Variants in LRCH1 observed in about 807,000 individuals in gnomAD.
LRCH1 encodes the protein leucine-rich repeat and calponin homology domain-containing protein 1.
A neutral mutation model predicts 94.9 loss-of-function variants in LRCH1; 23 were observed. That is an observed-to-expected ratio of 0.24 (90% CI 0.17 to 0.34). The LOEUF is 0.34. LRCH1 is among the 10% of genes least tolerant of loss of function. LRCH1 has a pLI of 1.00. For missense variants in LRCH1, 790 were observed against 945.9 expected, an observed-to-expected ratio of 0.84 and a Z score of 2.16; for synonymous variants, 364 against 354.9, an observed-to-expected ratio of 1.03 and a Z score of -0.29.
chr13:46,684,447 G>T (rs1452775021), intron 4 of LRCH1, among the ~76,000 whole-genome samples: 1 of 152,138 alleles, frequency 6.6e-6, no homozygotes, highest in Non-Finnish European at 1.5e-5. Flanking sequence ...TGTTTTCCAT[G>T]AACTTAGCCC....
chr13:46,642,874 G>T (rs1436355452), intron 1 of LRCH1, among the ~76,000 whole-genome samples: 2 of 152,004 alleles, frequency 1.3e-5, no homozygotes, highest in Admixed American at 6.6e-5. Context: ...TCCAAGCCAC[G>T]CTCTAAAGTT....
chr13:46,715,946 G>T (rs896076955), intron 16 of LRCH1, among the ~76,000 whole-genome samples: 2 of 151,670 alleles, frequency 1.3e-5, no homozygotes, highest in East Asian at 1.9e-4. Context: ...TGGTTTGTTT[G>T]CTTGTTTACA....
At chr13:46,580,129 G>T (rs988843142) in intron 1 of LRCH1, among the ~76,000 whole-genome samples, 1 of 152,114 alleles carries the variant, frequency 6.6e-6, no homozygotes, top group Admixed American at 6.5e-5. Context: ...TCCTCCTACT[G>T]CCTCTAATTT....
intron 9 of LRCH1, among the ~76,000 whole-genome samples, chr13:46,696,457 A>G (rs842405): frequency 0.74 from 112,002 of 152,098 alleles, 41,348 homozygotes; most frequent in East Asian, 0.84. Context: ...GAAGATATCA[A>G]TATTTAAGTT....
chr13:46,603,760 G>A (rs1331498615), intron 1 of LRCH1, among the ~76,000 whole-genome samples: 2 of 152,052 alleles, frequency 1.3e-5, no homozygotes, highest in East Asian at 1.9e-4. Flanking sequence ...GGGCTCAAGC[G>A]ATCCTCCCAC....
intron 1 of LRCH1, among the ~76,000 whole-genome samples, chr13:46,560,354 C>A (rs867388262): frequency 5.9e-5 from 9 of 152,010 alleles, no homozygotes; most frequent in African/African-American, 2.2e-4. Flanking sequence ...CTCAGAAAAA[C>A]CTGTTTGTGA....
At chr13:46,708,294 T>TG (rs3991373) in intron 13 of LRCH1, among the ~76,000 whole-genome samples, 3 of 150,184 alleles carry the variant, frequency 2.0e-5, no homozygotes, top group African/African-American at 7.4e-5. Flanking sequence ...TTTTTTTTTT[T>TG]GAGGCAGAGT....
intron 11 of LRCH1, among the ~76,000 whole-genome samples, chr13:46,701,516 A>T (rs1456071033): frequency 6.6e-6 from 1 of 152,192 alleles, no homozygotes; most frequent in Non-Finnish European, 1.5e-5. Context: ...TGCATGTTTT[A>T]TATTGCTTAA....
At chr13:46,629,519 A>G (rs1192789205) in intron 1 of LRCH1, among the ~76,000 whole-genome samples, 1 of 152,176 alleles carries the variant, frequency 6.6e-6, no homozygotes, top group Non-Finnish European at 1.5e-5. Flanking sequence ...CTTGTAACTC[A>G]GCCTTTGATT....
At chr13:46,691,075 A>G (rs1870870336) in intron 7 of LRCH1, among the ~76,000 whole-genome samples, 1 of 152,394 alleles carries the variant, frequency 6.6e-6, no homozygotes, top group Admixed American at 6.5e-5. Flanking sequence ...CAATCTGTGC[A>G]TATGTCCAAA....
At chr13:46,592,754 A>G (rs1420972630) in intron 1 of LRCH1, among the ~76,000 whole-genome samples, 1 of 152,112 alleles carries the variant, frequency 6.6e-6, no homozygotes, top group Non-Finnish European at 1.5e-5. Flanking sequence ...TTTGAGCTGA[A>G]GAATGTTTGG....
chr13:46,709,375 T>C (rs1181661882), intron 13 of LRCH1, among the ~76,000 whole-genome samples: 1 of 152,236 alleles, frequency 6.6e-6, no homozygotes, highest in African/African-American at 2.4e-5. Flanking sequence ...CCTGTAGGTG[T>C]TGAGCTGCAG....
chr13:46,603,371 T>C (rs1349911835), intron 1 of LRCH1, among the ~76,000 whole-genome samples: 2 of 152,108 alleles, frequency 1.3e-5, no homozygotes, highest in Admixed American at 6.5e-5. Flanking sequence ...CCCCATTCTC[T>C]TTCTGTCAGC....
chr13:46,708,567 C>G (rs1046969490), intron 13 of LRCH1, among the ~76,000 whole-genome samples: 3 of 152,288 alleles, frequency 2.0e-5, no homozygotes, highest in South Asian at 4.1e-4. Flanking sequence ...CCACTGCACC[C>G]AGCCTGATCC....
chr13:46,587,139 A>G (rs573708089), intron 1 of LRCH1, among the ~76,000 whole-genome samples: 38 of 152,328 alleles, frequency 2.5e-4, no homozygotes, highest in African/African-American at 6.7e-4. Context: ...AAATGATGTA[A>G]AAATAGCACC....
At chr13:46,705,492 T>A in intron 13 of LRCH1, 188 bp downstream of exon 13, 1 of 708,970 alleles carries the variant, frequency 1.4e-6, no homozygotes, top group Non-Finnish European at 2.6e-6. Context: ...TTTTCTGCTA[T>A]ACCTCACCCT....
Position 46,743,325 on chromosome 13 carries a change from C to G in LRCH1, c.*1477C>G, listed in dbSNP as rs574824366. ...AAGATTCCTTGCTGCTAAGTCAGAT[C>G]AGATTTGCTAACAGGAAGCATTCTT... On this transcript the variant is annotated 3_prime_UTR_variant, in exon 20 of 20. Coordinates refer to ENST00000389797, the MANE Select transcript of LRCH1 (RefSeq NM_001164211.2). The G allele has an allele frequency of 1.0e-6, 1 of 985,842 alleles. No homozygotes were observed. The highest frequency in any genetic ancestry group is 1.1e-4 in the East Asian group (1 of 8,818). 61.1% of individuals were successfully genotyped at this position (985,842 alleles called of 1,614,324 possible). A position where few individuals can be genotyped will look rare whatever the true frequency, so the allele number is the denominator to read the frequency against.
intron 3 of LRCH1, chr13:46,680,297 C>G (rs993384928): frequency 6.6e-6 from 1 of 152,158 alleles, no homozygotes. Context: ...TGATCCCTTA[C>G]TTTATACTTG....
At chr13:46,652,225 C>T (rs1379293877) in intron 2 of LRCH1, among the ~76,000 whole-genome samples, 20 of 151,924 alleles carry the variant, frequency 1.3e-4, no homozygotes, top group Non-Finnish European at 8.8e-5. Flanking sequence ...TACAGGCGCC[C>T]GCCACCACGC....
Sources: allele counts gnomAD v4.1 joint callset (sites outside exome capture counted in the v4.1 genomes callset), GRCh38; gene constraint gnomAD v4.1.1; transcripts MANE v1.5; gene names NCBI Gene and HGNC (gene_info 2026-07-23, HGNC 2026-07-21).